The following PIK3CB variants were observed in gnomAD, a reference collection of about 807,000 sequenced individuals.
PIK3CB encodes the protein phosphatidylinositol 4,5-bisphosphate 3-kinase catalytic subunit beta isoform.
PIK3CB carries 39 observed loss-of-function variants against 136.8 expected under a neutral mutation model. That is an observed-to-expected ratio of 0.29 (90% CI 0.22 to 0.37). The LOEUF (loss-of-function observed/expected upper bound fraction) is 0.37, where lower values mean the gene tolerates loss of function less well. Among genes scored for constraint, PIK3CB ranks in the 10% least tolerant of loss-of-function variants. The probability of loss-of-function intolerance (pLI) is 1.00; values close to 1 mark genes in which losing one functional copy is unlikely to be tolerated. For synonymous variants in PIK3CB, 428 were observed against 436.6 expected, an observed-to-expected ratio of 0.98 and a Z score of 0.25; for missense variants, 868 against 1,275.4, an observed-to-expected ratio of 0.68 and a Z score of 4.87.
intron 2 of PIK3CB, among the ~76,000 whole-genome samples, chr3:138,764,042 C>T (rs200425147): frequency 3.4e-5 from 5 of 148,400 alleles, no homozygotes; most frequent in East Asian, 2.0e-4. Context: ...ACTCGGGAGG[C>T]GGAGGTTGCA....
intron 2 of PIK3CB, among the ~76,000 whole-genome samples, chr3:138,767,169 C>T (rs1291428843): frequency 3.3e-5 from 5 of 150,968 alleles, no homozygotes; most frequent in Non-Finnish European, 1.5e-5. Flanking sequence ...GACTCTGTAT[C>T]AAAGAAAAAA....
At chr3:138,806,073 A>C (rs2108854722) in intron 1 of PIK3CB, among the ~76,000 whole-genome samples, 1 of 152,288 alleles carries the variant, frequency 6.6e-6, no homozygotes, top group South Asian at 2.1e-4. Flanking sequence ...AAAAAGAATC[A>C]GAACTTCCTT....
intron 1 of PIK3CB, among the ~76,000 whole-genome samples, chr3:138,832,741 A>G (rs1004790756): frequency 4.7e-5 from 7 of 150,272 alleles, no homozygotes; most frequent in Admixed American, 3.3e-4. Flanking sequence ...TGGCAGGAGA[A>G]TCGCTTGAAC....
chr3:138,805,863 G>T lies in PIK3CB; in HGVS notation c.-121-9296C>A, dbSNP rs928591086. ...TCCTGCCTCAGCTTCCTGAGTAGCTGGGATTACAGGCATGCCCCACCATGC... is the reference window on the plus strand; with the variant it reads ...TCCTGCCTCAGCTTCCTGAGTAGCTTGGATTACAGGCATGCCCCACCATGC... On this transcript the variant is annotated intron_variant, in intron 1 of 23. Transcript: ENST00000674063. Among the ~76,000 whole-genome samples, 3 of 151,566 alleles carry T rather than the reference G, an allele frequency of 2.0e-5. No homozygotes were observed. In the South Asian group the frequency reaches 6.3e-4, roughly 32 times the overall value.
intron 2 of PIK3CB, among the ~76,000 whole-genome samples, chr3:138,796,248 T>C (rs1308705259): frequency 6.6e-6 from 1 of 151,536 alleles, no homozygotes; most frequent in African/African-American, 2.4e-5. Flanking sequence ...AGCCGGGCAT[T>C]GTGGCATGTG....
chr3:138,785,837 A>G (rs1357072905), intron 2 of PIK3CB, among the ~76,000 whole-genome samples: 4 of 152,086 alleles, frequency 2.6e-5, no homozygotes, highest in Admixed American at 2.6e-4. Context: ...AAAAAAAAAA[A>G]AAAAGAAAAT....
intron 19 of PIK3CB, among the ~76,000 whole-genome samples, chr3:138,678,331 A>G (rs960230923): frequency 2.0e-5 from 3 of 152,132 alleles, no homozygotes; most frequent in African/African-American, 7.2e-5. Context: ...ATGCCAGTGC[A>G]CTCAAGCGTG....
chr3:138,832,274 C>T (rs1211679755), intron 1 of PIK3CB, among the ~76,000 whole-genome samples: 1 of 152,148 alleles, frequency 6.6e-6, no homozygotes, highest in Non-Finnish European at 1.5e-5. Context: ...ACTTGATTTT[C>T]AACACTTCTA....
intron 1 of PIK3CB, among the ~76,000 whole-genome samples, chr3:138,820,899 A>T (rs945520837): frequency 2.0e-5 from 3 of 152,198 alleles, no homozygotes; most frequent in Non-Finnish European, 4.4e-5. Context: ...TACTTCAGGA[A>T]TTTTGCCATT....
chr3:138,748,558 T>C lies in PIK3CB; in HGVS notation c.398-5777A>G, dbSNP rs144928441. Among the ~76,000 whole-genome samples the C allele has an allele frequency of 3.5e-3, 528 of 152,308 alleles. 8 individuals carry two copies. The highest frequency in any genetic ancestry group is 0.029 in the Admixed American group (447 of 15,292). ...TGAATATTTGCTGCAGTTTTGTGTA[T>C]AATAATTAAAATGTAATCTAAAGGC... On this transcript the variant is annotated intron_variant, in intron 4 of 23. Transcript: ENST00000674063.
chr3:138,695,948 T>TC, intron 13 of PIK3CB, among the ~76,000 whole-genome samples: 1 of 146,470 alleles, frequency 6.8e-6, no homozygotes, highest in African/African-American at 2.5e-5. Flanking sequence ...TTTTTTTTTT[T>TC]TTTTTTGAGA....
intron 5 of PIK3CB, among the ~76,000 whole-genome samples, chr3:138,738,635 T>C (rs2045168000): frequency 6.6e-6 from 1 of 152,186 alleles, no homozygotes; most frequent in Admixed American, 6.5e-5. Context: ...CAATTAAAAA[T>C]GAAGATATAG....
chr3:138,832,099 A>T (rs1416782052), intron 1 of PIK3CB, among the ~76,000 whole-genome samples: 1 of 152,050 alleles, frequency 6.6e-6, no homozygotes, highest in East Asian at 1.9e-4. Flanking sequence ...AACTGGGAAA[A>T]CCTCAAGAAA....
In PIK3CB at chr3:138,665,158, G is replaced by A; in HGVS notation, c.2550C>T (p.Leu850=). 2 of 1,613,192 alleles carry A rather than the reference G, an allele frequency of 1.2e-6. No homozygotes were observed. Among genetic ancestry groups the A allele is most frequent in the Non-Finnish European group, 1.7e-6 (2 of 1,179,538 alleles). The stretch of plus-strand genomic sequence containing the variant: ...TTTCAGAGGTGCTCACAACTTCAAT[G>A]AGGCCAGAGCGATCTCCTGTTGCTA... The part of the protein sequence containing the change: ...GCLATGDRSG[L]IEVVSTSETI... Residue 850 remains leucine, a synonymous_variant, in exon 20 of 24, where the codon CTC becomes CTT. Transcript: ENST00000674063.
At chr3:138,816,548 T>C (rs1933337763) in intron 1 of PIK3CB, among the ~76,000 whole-genome samples, 2 of 151,870 alleles carry the variant, frequency 1.3e-5, no homozygotes, top group Non-Finnish European at 2.9e-5. Flanking sequence ...TGAGCCAAGA[T>C]CATGCCATTG....
At chr3:138,739,707 C>T (rs1488939922) in intron 5 of PIK3CB, among the ~76,000 whole-genome samples, 1 of 150,826 alleles carries the variant, frequency 6.6e-6, no homozygotes, top group Non-Finnish European at 1.5e-5. Flanking sequence ...TCAAGACCAG[C>T]CTGGCAAACA....
At chr3:138,716,594 C>T (rs1316349613) in intron 8 of PIK3CB, among the ~76,000 whole-genome samples, 3 of 151,988 alleles carry the variant, frequency 2.0e-5, no homozygotes, top group Non-Finnish European at 4.4e-5. Context: ...TATACTATAG[C>T]AAAATATTAT....
At chr3:138,711,553 T>A (rs1050501892) in intron 10 of PIK3CB, among the ~76,000 whole-genome samples, 2 of 114,718 alleles carry the variant, frequency 1.7e-5, no homozygotes, top group African/African-American at 6.9e-5. Context: ...CACTCCAGCC[T>A]GGGCAACAAG....
chr3:138,693,543 C>T (rs2044055018), intron 14 of PIK3CB, among the ~76,000 whole-genome samples: 1 of 151,874 alleles, frequency 6.6e-6, no homozygotes, highest in South Asian at 2.1e-4. Context: ...AGATTACAGG[C>T]ACCGGCCACC....
Sources: allele counts gnomAD v4.1 joint callset (sites outside exome capture counted in the v4.1 genomes callset), GRCh38; gene constraint gnomAD v4.1.1; transcripts MANE v1.5; gene names NCBI Gene and HGNC (gene_info 2026-07-23, HGNC 2026-07-21).